The following ZC4H2 variants were observed in gnomAD, a reference collection of about 807,000 sequenced individuals.
The protein encoded by ZC4H2 is zinc finger C4H2 domain-containing protein.
For synonymous variants in ZC4H2, 84 were observed against 66.3 expected (o/e 1.27, Z -1.30); for missense variants, 137 against 173.9 (o/e 0.79, Z 1.19).
intron 1 of ZC4H2, among the ~76,000 whole-genome samples, chrX:64,998,973 A>T (rs1237973808): frequency 3.9e-5 from 3 of 77,072 alleles, no homozygotes; most frequent in African/African-American, 1.6e-4. Context: ...CCATCCTTTC[A>T]TTTTTTTATT....
chrX:64,941,336 C>T (rs1278895160), intron 1 of ZC4H2, among the ~76,000 whole-genome samples: 1 of 111,861 alleles, frequency 8.9e-6, no homozygotes, highest in Non-Finnish European at 1.9e-5. Context: ...ATGTCATTTG[C>T]AAACAGAGAC....
chrX:64,923,993 T>G (rs893440118), intron 1 of ZC4H2, among the ~76,000 whole-genome samples: 3 of 112,175 alleles, frequency 2.7e-5, no homozygotes, highest in Non-Finnish European at 3.8e-5. Flanking sequence ...TAATTACTTA[T>G]TTGCTTATAT....
At chrX:65,000,557 C>A (rs970410978) in intron 1 of ZC4H2, among the ~76,000 whole-genome samples, 1 of 111,521 alleles carries the variant, frequency 9.0e-6, no homozygotes, top group Non-Finnish European at 1.9e-5. Context: ...TCCTCTTCAG[C>A]AAGGGAAACA....
chrX:64,976,209 T>C (rs1931941170), intron 1 of ZC4H2, 116 bp downstream of exon 1: 2 of 829,700 alleles, frequency 2.4e-6, no homozygotes, highest in African/African-American at 4.0e-5. Flanking sequence ...GGCAAGTCTG[T>C]GGTGAATGGG....
At chrX:64,990,090 G>A (rs1003257827) in intron 1 of ZC4H2, among the ~76,000 whole-genome samples, 1 of 112,197 alleles carries the variant, frequency 8.9e-6, no homozygotes, top group Non-Finnish European at 1.9e-5. Flanking sequence ...CATATTTATA[G>A]TAGTTTTATT....
chrX:64,997,757 C>G (rs1414433213), intron 1 of ZC4H2, among the ~76,000 whole-genome samples: 1 of 111,272 alleles, frequency 9.0e-6, no homozygotes, highest in Non-Finnish European at 1.9e-5. Flanking sequence ...ACAGGCATGG[C>G]AGGACCACAC....
chrX:64,942,353 AT>A (rs754538787), intron 1 of ZC4H2, among the ~76,000 whole-genome samples: 1 of 110,143 alleles, frequency 9.1e-6, no homozygotes, highest in East Asian at 2.9e-4. Context: ...AGATTCATTG[AT>A]TTTTTTATTA....
At chrX:65,028,020 C>T (rs948067755) in intron 1 of ZC4H2, among the ~76,000 whole-genome samples, 7 of 111,964 alleles carry the variant, frequency 6.3e-5, no homozygotes, top group African/African-American at 1.9e-4. Flanking sequence ...TCCCTCTCTG[C>T]CTCCTTTTTC....
chrX:65,030,561 T>A, intron 1 of ZC4H2, among the ~76,000 whole-genome samples: 1 of 112,536 alleles, frequency 8.9e-6, no homozygotes, highest in Middle Eastern at 4.7e-3. Flanking sequence ...TTAACTTGTC[T>A]TCTTGCATCA....
chrX:65,022,644 A>T (rs1932845396), intron 1 of ZC4H2, among the ~76,000 whole-genome samples: 1 of 111,891 alleles, frequency 8.9e-6, no homozygotes, highest in Non-Finnish European at 1.9e-5. Flanking sequence ...GCCTTCCTAT[A>T]CACCAATAAC....
At chrX:65,034,203 A>T (rs1015901751) in intron 1 of ZC4H2, among the ~76,000 whole-genome samples, 1 of 111,685 alleles carries the variant, frequency 9.0e-6, no homozygotes, top group African/African-American at 3.3e-5. Flanking sequence ...GAAGGAAGTG[A>T]GATTAGATTT....
At chrX:64,940,634 A>G (rs961180082) in intron 1 of ZC4H2, among the ~76,000 whole-genome samples, 1 of 111,491 alleles carries the variant, frequency 9.0e-6, no homozygotes, top group Non-Finnish European at 1.9e-5. Context: ...TGTTTTCCCA[A>G]CACTACATAT....
At chrX:64,976,046 A>G (rs1048853696) in intron 1 of ZC4H2, among the ~76,000 whole-genome samples, 2 of 111,786 alleles carry the variant, frequency 1.8e-5, no homozygotes, top group African/African-American at 3.3e-5. Context: ...AAACGTGTCC[A>G]TGAATGCAGA....
intron 1 of ZC4H2, among the ~76,000 whole-genome samples, chrX:64,940,770 T>C (rs942684723): frequency 9.0e-6 from 1 of 111,730 alleles, no homozygotes; most frequent in Non-Finnish European, 1.9e-5. Context: ...TCTGTTTTGG[T>C]ACCAGTACCA....
chrX:64,987,965 A>G (rs190691334), intron 1 of ZC4H2, among the ~76,000 whole-genome samples: 1 of 93,888 alleles, frequency 1.1e-5, no homozygotes, highest in Non-Finnish European at 2.0e-5. Flanking sequence ...ACTCCCACCT[A>G]TGAGTGAGAA....
upstream of ZC4H2, among the ~76,000 whole-genome samples, chrX:64,977,507 T>A (rs188604225): frequency 2.5e-4 from 28 of 112,115 alleles, no homozygotes; most frequent in Admixed American, 8.5e-4. Flanking sequence ...TTAATTAATT[T>A]ATTTATTTAT....
chrX:64,987,321 C>A (rs1436735786), intron 1 of ZC4H2, among the ~76,000 whole-genome samples: 1 of 111,173 alleles, frequency 9.0e-6, no homozygotes, highest in Non-Finnish European at 1.9e-5. Context: ...TAGAATAAAT[C>A]ATTCTACCTG....
intron 1 of ZC4H2, among the ~76,000 whole-genome samples, chrX:65,007,591 C>A (rs866923115): frequency 2.7e-5 from 3 of 111,731 alleles, no homozygotes; most frequent in African/African-American, 3.2e-5. Flanking sequence ...AAAAAGGGTG[C>A]CAGCCCTTCA....
At chrX:65,017,777 T>A (rs758470989) in intron 1 of ZC4H2, among the ~76,000 whole-genome samples, 1 of 112,121 alleles carries the variant, frequency 8.9e-6, no homozygotes, top group Non-Finnish European at 1.9e-5. Flanking sequence ...AAATGTAGGA[T>A]CAAATGCTTA....
Sources: allele counts gnomAD v4.1 joint callset (sites outside exome capture counted in the v4.1 genomes callset), GRCh38; gene constraint gnomAD v4.1.1; transcripts MANE v1.5; gene names NCBI Gene and HGNC (gene_info 2026-07-23, HGNC 2026-07-21).